The following VSX2 variants were observed in gnomAD, a reference collection of about 807,000 sequenced individuals.
VSX2 encodes visual system homeobox 2.
Under a neutral mutation model 32.1 loss-of-function variants are expected in VSX2, and 28 were observed. That is an observed-to-expected ratio of 0.87 (90% CI 0.65 to 1.20). The LOEUF (loss-of-function observed/expected upper bound fraction) is 1.20. VSX2 is among the 50% of genes most tolerant of loss of function. The pLI is 0.00. For synonymous variants in VSX2, 243 were observed against 214.1 expected, an observed-to-expected ratio of 1.14 and a Z score of -1.18; for missense variants, 506 against 488.7, an observed-to-expected ratio of 1.04 and a Z score of -0.33.
At chr14:74,246,222 C>A (rs113804144) in intron 3 of VSX2, among the ~76,000 whole-genome samples, 1 of 152,226 alleles carries the variant, frequency 6.6e-6, no homozygotes. Flanking sequence ...TAGTTCATTG[C>A]GGAGGCTGGG....
chr14:74,253,160 T>A (rs2079240939), intron 3 of VSX2, among the ~76,000 whole-genome samples: 1 of 151,960 alleles, frequency 6.6e-6, no homozygotes, highest in African/African-American at 2.4e-5. Context: ...TGGGTGTCAC[T>A]TTGGGCCCCT....
intron 1 of VSX2, among the ~76,000 whole-genome samples, chr14:74,240,445 A>T (rs2079141667): frequency 6.6e-6 from 1 of 152,094 alleles, no homozygotes; most frequent in African/African-American, 2.4e-5. Context: ...CAACCCGGCC[A>T]TCGCGGCAGC....
chr14:74,242,947 A>G (rs1006981046), intron 2 of VSX2, among the ~76,000 whole-genome samples: 23 of 152,040 alleles, frequency 1.5e-4, no homozygotes, highest in Admixed American at 2.0e-4. Context: ...CGCCAGGAAC[A>G]CCTTTGGGGG....
At chr14:74,247,795 C>A (rs2139636449) in intron 3 of VSX2, among the ~76,000 whole-genome samples, 2 of 121,356 alleles carry the variant, frequency 1.6e-5, no homozygotes, top group African/African-American at 5.1e-5. Flanking sequence ...GTACCAGGCA[C>A]TGTTTAAAAA....
intron 3 of VSX2, among the ~76,000 whole-genome samples, chr14:74,258,289 T>C (rs1290748754): frequency 2.0e-5 from 3 of 152,152 alleles, no homozygotes; most frequent in Non-Finnish European, 4.4e-5. Context: ...GAAATTAACT[T>C]ATTTTTCAAT....
chr14:74,257,712 C>CA (rs1224923431), intron 3 of VSX2, among the ~76,000 whole-genome samples: 1 of 149,492 alleles, frequency 6.7e-6, no homozygotes, highest in Non-Finnish European at 1.5e-5. Flanking sequence ...GCGGACCACC[C>CA]CCCACCCACT....
intron 3 of VSX2, among the ~76,000 whole-genome samples, chr14:74,246,685 G>T (rs887866836): frequency 1.3e-5 from 2 of 152,216 alleles, no homozygotes; most frequent in African/African-American, 4.8e-5. Flanking sequence ...TTAGCATAAA[G>T]TTGGCCATTC....
chr14:74,244,730 C>T (rs2079172646), intron 2 of VSX2, among the ~76,000 whole-genome samples: 1 of 151,778 alleles, frequency 6.6e-6, no homozygotes, highest in Admixed American at 6.6e-5. Context: ...CAGCCTTTCC[C>T]CCAGAGCACC....
At chr14:74,244,918 GT>G (rs2079176632) in intron 2 of VSX2, among the ~76,000 whole-genome samples, 1 of 117,248 alleles carries the variant, frequency 8.5e-6, no homozygotes, top group Non-Finnish European at 1.8e-5. Flanking sequence ...GTGTGTGTGT[GT>G]GTGTGTGTGT....
intron 3 of VSX2, among the ~76,000 whole-genome samples, chr14:74,247,967 G>C (rs2079203256): frequency 6.7e-6 from 1 of 149,062 alleles, no homozygotes; most frequent in African/African-American, 2.6e-5. Flanking sequence ...TGTATATTCA[G>C]CAGAGTCCTC....
intron 2 of VSX2, 53 bp downstream of exon 2, chr14:74,241,319 C>G: frequency 6.3e-7 from 1 of 1,581,062 alleles, no homozygotes; most frequent in South Asian, 1.1e-5. Flanking sequence ...CGCTGCCGTC[C>G]CCCGTTCCGG....
rs771439780 is a variant in VSX2 at position 74,245,299 on chromosome 14, TGAG to T, written c.579+12_579+14del. ...GAAGACAGGATACAGGTAACAGCCC[TGAG>T]CCCCTCTCCCCTCCACTCTCCCCTC... On this transcript the variant is annotated intron_variant, in intron 3 of 4. Transcript: ENST00000261980. The T allele has an allele frequency of 3.7e-6, 6 of 1,612,962 alleles. No individual in the cohort carries two copies. Among genetic ancestry groups the T allele is most frequent in the East Asian group, 4.5e-5 (2 of 44,834 alleles).
Position 74,260,734 on chromosome 14 carries a change from C to T in VSX2, c.901C>T (p.Leu301=). 1.3e-6 allele frequency: 2 copies of T among 1,593,134 alleles called. No individual in the cohort carries two copies. The highest frequency in any genetic ancestry group is 1.7e-6 in the Non-Finnish European group (2 of 1,170,130). Residue 301 remains leucine, a synonymous_variant, in exon 5 of 5, where the codon CTG becomes TTG. Coordinates refer to ENST00000261980, the MANE Select transcript of VSX2 (RefSeq NM_182894.3). ...DAQAAISQEE[L]RENSIAVLRA... is the part of the protein sequence containing the mutation. ...TCAGGCGGCCATCTCCCAGGAGGAA[C>T]TGAGGGAGAACAGCATTGCGGTGCT...
intron 2 of VSX2, 114 bp from the exon 3 acceptor site, chr14:74,245,051 G>C (rs1489957163): frequency 7.1e-7 from 1 of 1,406,500 alleles, no homozygotes; most frequent in Admixed American, 1.9e-5. Context: ...ATTGTGCTGA[G>C]CCAGCCTGGG....
At chr14:74,253,463 T>C (rs1397496555) in intron 3 of VSX2, among the ~76,000 whole-genome samples, 1 of 152,236 alleles carries the variant, frequency 6.6e-6, no homozygotes, top group East Asian at 1.9e-4. Flanking sequence ...GAACATTTGC[T>C]AGAAAGCAAA....
At chr14:74,248,134 A>G (rs2079204429) in intron 3 of VSX2, among the ~76,000 whole-genome samples, 1 of 151,552 alleles carries the variant, frequency 6.6e-6, no homozygotes, top group Non-Finnish European at 1.5e-5. Context: ...GTTGGCCGCC[A>G]CTCCTGAGCC....
intron 2 of VSX2, among the ~76,000 whole-genome samples, chr14:74,243,238 T>C (rs1420300205): frequency 1.3e-5 from 2 of 152,052 alleles, no homozygotes; most frequent in Non-Finnish European, 2.9e-5. Flanking sequence ...GGGGGTGGCG[T>C]GGGGACAAAG....
intron 3 of VSX2, among the ~76,000 whole-genome samples, chr14:74,248,147 C>A (rs1238386420): frequency 6.6e-6 from 1 of 151,938 alleles, no homozygotes; most frequent in Non-Finnish European, 1.5e-5. Flanking sequence ...CCTGAGCCAG[C>A]CCCCTCCCAG....
At chr14:74,243,564 G>A (rs1282676079) in intron 2 of VSX2, among the ~76,000 whole-genome samples, 1 of 152,020 alleles carries the variant, frequency 6.6e-6, no homozygotes, top group East Asian at 1.9e-4. Context: ...CCTGGTTTTG[G>A]AAAGGACTTG....
Sources: allele counts gnomAD v4.1 joint callset (sites outside exome capture counted in the v4.1 genomes callset), GRCh38; gene constraint gnomAD v4.1.1; transcripts MANE v1.5; gene names NCBI Gene and HGNC (gene_info 2026-07-23, HGNC 2026-07-21).